Variants in RAB31 observed in about 807,000 individuals in gnomAD.
RAB31 encodes the protein RAB31, member RAS oncogene family, also known as ras-related protein Rab-31.
Under a neutral mutation model 25.6 loss-of-function variants are expected in RAB31, and 21 were observed. That is an observed-to-expected ratio of 0.82 (90% CI 0.58 to 1.18). The LOEUF (loss-of-function observed/expected upper bound fraction) is 1.18. Ranked by LOEUF, RAB31 falls within the 50% of genes most tolerant of loss-of-function variation. The pLI is 0.00. For synonymous variants in RAB31, 87 were observed against 84.0 expected, an observed-to-expected ratio of 1.04 and a Z score of -0.20; for missense variants, 196 against 250.1, an observed-to-expected ratio of 0.78 and a Z score of 1.46.
chr18:9,720,673 T>C (rs1374149782), intron 1 of RAB31, among the ~76,000 whole-genome samples: 2 of 142,296 alleles, frequency 1.4e-5, no homozygotes, highest in African/African-American at 5.8e-5. Context: ...AGTAATTTTC[T>C]CTTTTTTTTT....
At chr18:9,824,772 T>C (rs2068641924) in intron 5 of RAB31, among the ~76,000 whole-genome samples, 1 of 152,210 alleles carries the variant, frequency 6.6e-6, no homozygotes, top group Non-Finnish European at 1.5e-5. Context: ...TGGATTTTTT[T>C]CTAGGTTCCT....
In RAB31 at chr18:9,812,095, G is replaced by A. The variant is rs538750361; in HGVS notation, c.202-1925G>A. Among the ~76,000 whole-genome samples, 37 of 152,260 alleles carry A rather than the reference G, an allele frequency of 2.4e-4. 1 individual carries two copies. The South Asian group carries it at 6.4e-3, about 26-fold the overall frequency. ...CATAGGGGCAGGGCAGGGAGAGAAGGGAGATCTGGTCTCCTTCTCTCCTTA... is the reference window on the plus strand; with the variant it reads ...CATAGGGGCAGGGCAGGGAGAGAAGAGAGATCTGGTCTCCTTCTCTCCTTA... On this transcript the variant is annotated intron_variant, in intron 3 of 6. Coordinates refer to ENST00000578921, the MANE Select transcript of RAB31 (RefSeq NM_006868.4).
chr18:9,847,106 G>C (rs1236749115), intron 6 of RAB31, among the ~76,000 whole-genome samples: 1 of 152,208 alleles, frequency 6.6e-6, no homozygotes, highest in East Asian at 1.9e-4. Context: ...CATGGTCAGT[G>C]GGTGCAGATG....
intron 6 of RAB31, among the ~76,000 whole-genome samples, chr18:9,854,009 C>T (rs1405416197): frequency 7.1e-6 from 1 of 140,202 alleles, no homozygotes; most frequent in African/African-American, 2.6e-5. Flanking sequence ...ATATGCAGAA[C>T]ATGCGGGTTT....
At position 9,814,062 on chromosome 18, in the gene RAB31, G is replaced by C; in HGVS notation, c.244G>C (p.Ala82Pro). 6.3e-7 allele frequency: 1 copy of C among 1,593,674 alleles called. No individual in the cohort carries two copies. The highest frequency in any genetic ancestry group is 8.6e-7 in the Non-Finnish European group (1 of 1,166,844). The change falls in exon 4 of 7, where the codon GCT becomes CCT. Residue 82 changes from alanine (A) to proline (P), a missense_variant. Transcript: ENST00000578921. ...APMYYRGSAA[A>P]VIVYDITKQD... is the part of the protein sequence containing the mutation. ...CATGTACTATCGAGGCTCAGCTGCA[G>C]CTGTTATCGTGTATGATATTACCAA...
intron 3 of RAB31, among the ~76,000 whole-genome samples, chr18:9,810,318 C>G (rs1235255299): frequency 6.6e-6 from 1 of 152,172 alleles, no homozygotes; most frequent in African/African-American, 2.4e-5. Flanking sequence ...TGTGAGCATT[C>G]CATCAGTCTT....
chr18:9,828,133 T>C (rs1332085461), intron 5 of RAB31, among the ~76,000 whole-genome samples: 1 of 152,090 alleles, frequency 6.6e-6, no homozygotes, highest in Non-Finnish European at 1.5e-5. Flanking sequence ...GGGAGCGAGC[T>C]TGGCACGTGT....
At chr18:9,713,624 G>C (rs1190744836) in intron 1 of RAB31, among the ~76,000 whole-genome samples, 1 of 152,140 alleles carries the variant, frequency 6.6e-6, no homozygotes, top group Non-Finnish European at 1.5e-5. Flanking sequence ...TCTCTGGAGT[G>C]TGTATCAGAA....
intron 1 of RAB31, among the ~76,000 whole-genome samples, chr18:9,748,675 G>T (rs1247463352): frequency 6.6e-6 from 1 of 151,948 alleles, no homozygotes; most frequent in Non-Finnish European, 1.5e-5. Context: ...GGCGGATCAC[G>T]AGCTCAGGAG....
chr18:9,745,094 A>G (rs991990731), intron 1 of RAB31, among the ~76,000 whole-genome samples: 4 of 152,196 alleles, frequency 2.6e-5, no homozygotes, highest in African/African-American at 4.8e-5. Flanking sequence ...AAAGAAGTAA[A>G]TCACTAAAAT....
chr18:9,855,484 AC>A lies in RAB31; in HGVS notation c.491-3743del, dbSNP rs2068811315. ...TGCCTGTGTAAATAATACTGATTCAACAGAGTTCCAAGGTGATCACCTTGGT... is the reference window on the plus strand; with the variant it reads ...TGCCTGTGTAAATAATACTGATTCAAAGAGTTCCAAGGTGATCACCTTGGT... On this transcript the variant is annotated intron_variant, in intron 6 of 6. Coordinates refer to ENST00000578921, the MANE Select transcript of RAB31 (RefSeq NM_006868.4). 2.6e-5 allele frequency among the ~76,000 whole-genome samples: 4 copies of A among 152,142 alleles called. No homozygotes were observed. In the South Asian group the frequency reaches 8.3e-4, roughly 32 times the overall value.
At chr18:9,813,116 T>C (rs1433197524) in intron 3 of RAB31, among the ~76,000 whole-genome samples, 1 of 152,234 alleles carries the variant, frequency 6.6e-6, no homozygotes, top group Non-Finnish European at 1.5e-5. Context: ...GGATGAACGA[T>C]GCTAGTGACC....
intron 3 of RAB31, among the ~76,000 whole-genome samples, chr18:9,810,822 T>A (rs1205288807): frequency 6.6e-6 from 1 of 152,234 alleles, no homozygotes; most frequent in Non-Finnish European, 1.5e-5. Flanking sequence ...ACTGCTACTT[T>A]GTGCGTTTAC....
chr18:9,800,138 T>C (rs77837015), intron 3 of RAB31, among the ~76,000 whole-genome samples: 2 of 152,182 alleles, frequency 1.3e-5, no homozygotes, highest in Non-Finnish European at 2.9e-5. Flanking sequence ...AGTCAACACA[T>C]AGAGTGGCTT....
At chr18:9,781,850 C>G (rs971424390) in intron 2 of RAB31, among the ~76,000 whole-genome samples, 3 of 152,208 alleles carry the variant, frequency 2.0e-5, no homozygotes, top group Non-Finnish European at 4.4e-5. Flanking sequence ...AAATGGAACA[C>G]TTTTAAAACG....
At chr18:9,756,657 G>A (rs1277426921) in intron 1 of RAB31, among the ~76,000 whole-genome samples, 1 of 152,206 alleles carries the variant, frequency 6.6e-6, no homozygotes, top group Non-Finnish European at 1.5e-5. Flanking sequence ...AAGCCAAGCT[G>A]TCATTGTGGA....
intron 1 of RAB31, among the ~76,000 whole-genome samples, chr18:9,734,028 G>A (rs754041527): frequency 2.7e-4 from 41 of 150,142 alleles, no homozygotes; most frequent in Non-Finnish European, 5.2e-4. Flanking sequence ...CTGTTACATG[G>A]GAGAGGCATG....
chr18:9,740,097 T>A (rs910429275), intron 1 of RAB31, among the ~76,000 whole-genome samples: 2 of 152,208 alleles, frequency 1.3e-5, no homozygotes, highest in African/African-American at 4.8e-5. Context: ...GAATCCTGAC[T>A]CCCTCACTTG....
chr18:9,731,596 CT>C (rs10685568), intron 1 of RAB31, among the ~76,000 whole-genome samples: 2,455 of 107,556 alleles, frequency 0.023, 23 homozygotes, highest in African/African-American at 0.043. Flanking sequence ...TGGGAATTTG[CT>C]TTTTTTTTTT....
Sources: allele counts gnomAD v4.1 joint callset (sites outside exome capture counted in the v4.1 genomes callset), GRCh38; gene constraint gnomAD v4.1.1; transcripts MANE v1.5; gene names NCBI Gene and HGNC (gene_info 2026-07-23, HGNC 2026-07-21).